Variants in C8orf34 observed in about 807,000 individuals in gnomAD.
C8orf34 encodes chromosome 8 open reading frame 34.
Under a neutral mutation model 68.3 loss-of-function variants are expected in C8orf34, and 65 were observed. The ratio of observed to expected loss-of-function variants is 0.95; its 90% CI spans 0.78 to 1.17. The LOEUF (loss-of-function observed/expected upper bound fraction) is 1.17. Ranked by LOEUF, C8orf34 falls within the 50% of genes most tolerant of loss-of-function variation. The pLI is 0.00. For missense variants in C8orf34, 664 were observed against 655.4 expected, an observed-to-expected ratio of 1.01 and a Z score of -0.14; for synonymous variants, 244 against 241.2, an observed-to-expected ratio of 1.01 and a Z score of -0.11.
intron 1 of C8orf34, among the ~76,000 whole-genome samples, chr8:68,418,035 T>C (rs957196523): frequency 6.7e-5 from 10 of 149,066 alleles, no homozygotes; most frequent in African/African-American, 2.5e-4. Flanking sequence ...GATTCCTAGG[T>C]ATTTTATTCT....
intron 7 of C8orf34, 66 bp downstream of exon 7, chr8:68,533,215 T>G (rs746964001): frequency 1.3e-6 from 2 of 1,504,552 alleles, no homozygotes; most frequent in South Asian, 2.8e-5. Context: ...GTGTGGTGAT[T>G]AAGAGATTTT....
chr8:68,425,115 A>G (rs2129624046), intron 1 of C8orf34, among the ~76,000 whole-genome samples: 1 of 152,300 alleles, frequency 6.6e-6, no homozygotes. Flanking sequence ...AGTACATTCA[A>G]AATAGAGGGG....
chr8:68,589,800 T>TAAGGAAGGTGGAGAGAGGAGGGAAG (rs1817326803), intron 7 of C8orf34, among the ~76,000 whole-genome samples: 1 of 97,308 alleles, frequency 1.0e-5, no homozygotes, highest in African/African-American at 4.5e-5. Flanking sequence ...GAGAAGGGAA[T>TAAGGAAGGTGGAGAGAGGAGGGAAG]CAGGAAGGAG....
intron 8 of C8orf34, among the ~76,000 whole-genome samples, chr8:68,643,950 G>C (rs1397902999): frequency 6.6e-6 from 1 of 152,180 alleles, no homozygotes; most frequent in Non-Finnish European, 1.5e-5. Flanking sequence ...TCATGCTCCA[G>C]TGCACTTTGG....
At chr8:68,348,349 T>C (rs1251621384) in intron 1 of C8orf34, among the ~76,000 whole-genome samples, 1 of 152,178 alleles carries the variant, frequency 6.6e-6, no homozygotes, top group Admixed American at 6.6e-5. Flanking sequence ...AGTATCATGC[T>C]GTTTTGGTTA....
chr8:68,749,641 TTC>T (rs1822639978), intron 10 of C8orf34, among the ~76,000 whole-genome samples: 1 of 152,152 alleles, frequency 6.6e-6, no homozygotes, highest in Non-Finnish European at 1.5e-5. Flanking sequence ...CTGATATACT[TTC>T]TGTTCCTATA....
chr8:68,415,301 A>G (rs1809618914), intron 1 of C8orf34, among the ~76,000 whole-genome samples: 1 of 152,100 alleles, frequency 6.6e-6, no homozygotes, highest in Non-Finnish European at 1.5e-5. Context: ...CCAACATGTC[A>G]AAACCCTGTC....
At chr8:68,526,464 T>A (rs1040278381) in intron 6 of C8orf34, among the ~76,000 whole-genome samples, 6 of 152,158 alleles carry the variant, frequency 3.9e-5, no homozygotes, top group Non-Finnish European at 8.8e-5. Context: ...TGGAGGAGAA[T>A]GATTTTTAAA....
intron 10 of C8orf34, among the ~76,000 whole-genome samples, chr8:68,722,923 C>G (rs1467739091): frequency 1.3e-5 from 2 of 152,000 alleles, no homozygotes; most frequent in Non-Finnish European, 2.9e-5. Context: ...CCATCCAGTT[C>G]AGCATTTCCC....
intron 10 of C8orf34, among the ~76,000 whole-genome samples, chr8:68,731,687 T>C (rs1191850241): frequency 6.6e-6 from 1 of 152,240 alleles, no homozygotes; most frequent in African/African-American, 2.4e-5. Context: ...TACATAAAAC[T>C]ATCTATTAGT....
intron 4 of C8orf34, among the ~76,000 whole-genome samples, chr8:68,480,076 T>C (rs1399172676): frequency 6.6e-6 from 1 of 152,230 alleles, no homozygotes; most frequent in Non-Finnish European, 1.5e-5. Context: ...AACCAATTAA[T>C]ATGGTTTGGC....
rs140302817 is a variant in C8orf34 at position 68,434,206 on chromosome 8, C to T, written c.328-5293C>T. Among the ~76,000 whole-genome samples, 168 of 152,130 alleles carry T rather than the reference C, an allele frequency of 1.1e-3. 4 individuals carry two copies. In the East Asian group the frequency reaches 0.029, roughly 26 times the overall value. On this transcript the variant is annotated intron_variant, in intron 1 of 13. Coordinates refer to ENST00000518698, the MANE Select transcript of C8orf34 (RefSeq NM_052958.4). ...GTTTGTTACATAGGTATTCATGTGC[C>T]GTGGTGATTTGCTGTACCTATCAAC... is the stretch of plus-strand genomic sequence containing the variant.
intron 12 of C8orf34, among the ~76,000 whole-genome samples, chr8:68,810,695 G>T (rs1277916252): frequency 6.6e-6 from 1 of 152,134 alleles, no homozygotes; most frequent in Non-Finnish European, 1.5e-5. Context: ...TGCCAGGATA[G>T]CTCTCCAGAG....
intron 7 of C8orf34, among the ~76,000 whole-genome samples, chr8:68,637,249 CT>C (rs1339026154): frequency 6.6e-6 from 1 of 152,010 alleles, no homozygotes; most frequent in Non-Finnish European, 1.5e-5. Flanking sequence ...TGATACATGT[CT>C]TATAGTCTTC....
intron 8 of C8orf34, among the ~76,000 whole-genome samples, chr8:68,674,824 A>G (rs556822490): frequency 1.1e-4 from 17 of 152,038 alleles, no homozygotes; most frequent in Non-Finnish European, 2.2e-4. Context: ...AACCCAAAGT[A>G]AAGTATCTCA....
At chr8:68,330,824 C>T (rs568392624), upstream of C8orf34, 9 of 517,734 alleles carry the variant, frequency 1.7e-5, 1 homozygote, top group East Asian at 3.2e-4. Flanking sequence ...CACGCACACA[C>T]ACCGGTGGCG....
At chr8:68,444,463 T>C (rs1243327481) in intron 2 of C8orf34, among the ~76,000 whole-genome samples, 1 of 152,112 alleles carries the variant, frequency 6.6e-6, no homozygotes, top group Non-Finnish European at 1.5e-5. Context: ...TCTTGTTTTT[T>C]ATTAAATGAT....
rs16935065 is a variant in C8orf34 at position 68,787,521 on chromosome 8, G to A, written c.1534G>A (p.Ala512Thr). 245,581 of 1,606,522 alleles carry A rather than the reference G, an allele frequency of 0.15. 19,749 individuals carry two copies. The highest frequency in any genetic ancestry group is 0.23 in the African/African-American group (17,262 of 74,692). ...PSDTESEGVE[A>T]EQEKRSADLL... is the part of the protein sequence containing the mutation. ...TGACACAGAAAGTGAAGGAGTGGAA[G>A]CAGAACAAGAGAAACGTGAGTAGAC... is the stretch of plus-strand genomic sequence containing the variant. Residue 512 changes from alanine (A) to threonine (T), a missense_variant, in exon 12 of 14, where the codon GCA becomes ACA. Ala to Thr is a moderately conservative substitution (Grantham distance 58). Transcript: ENST00000518698.
intron 5 of C8orf34, among the ~76,000 whole-genome samples, chr8:68,493,816 G>A (rs1484168168): frequency 6.6e-6 from 1 of 152,092 alleles, no homozygotes; most frequent in East Asian, 1.9e-4. Context: ...TAGCAAGATG[G>A]CACCAACTCA....
Sources: gnomAD v4.1 joint callset for allele counts (sites outside exome capture counted in the v4.1 genomes callset) on GRCh38, gnomAD v4.1.1 for gene constraint, MANE v1.5 for transcripts, NCBI Gene and HGNC (gene_info 2026-07-23, HGNC 2026-07-21) for gene names.